BRCA2: variants seen among roughly 807,000 people sequenced by gnomAD.
BRCA2 encodes BRCA2 DNA repair associated, also known as breast cancer type 2 susceptibility protein.
BRCA2 carries 203 observed loss-of-function variants against 276.7 expected under a neutral mutation model. That is an observed-to-expected ratio of 0.73 (90% CI 0.65 to 0.82). The LOEUF is 0.82. BRCA2 is among the 40% of genes least tolerant of loss of function. The pLI, the probability that BRCA2 is intolerant of heterozygous loss-of-function variation, is 0.00. For synonymous variants in BRCA2, 1,289 were observed against 1,338.4 expected, an observed-to-expected ratio of 0.96 and a Z score of 0.81; for missense variants, 3,920 against 3,915.0, an observed-to-expected ratio of 1.00 and a Z score of -0.03.
chr13:32,364,806 C>T (rs1298435362), intron 18 of BRCA2, among the ~76,000 whole-genome samples: 1 of 152,136 alleles, frequency 6.6e-6, no homozygotes. Flanking sequence ...TATGCTTACT[C>T]CATTCTGAAG....
rs138976628 is a variant in BRCA2, at chr13:32,377,423, C to G, written c.8754+632C>G. Among the ~76,000 whole-genome samples the G allele has an allele frequency of 6.7e-4, 102 of 152,140 alleles. 1 individual carries two copies. The highest frequency in any genetic ancestry group is 2.4e-3 in the African/African-American group (99 of 41,518). On this transcript the variant is annotated intron_variant, in intron 21 of 26. Coordinates refer to ENST00000380152, the MANE Select transcript of BRCA2 (RefSeq NM_000059.4). ...CCTGGCCAACGTGGTGAAACCCCGT[C>G]CCTATTAAAAATACAAAATTAGCCA...
chr13:32,369,602 C>A (rs1232067626), intron 18 of BRCA2, among the ~76,000 whole-genome samples: 1 of 152,146 alleles, frequency 6.6e-6, no homozygotes, highest in East Asian at 1.9e-4. Flanking sequence ...GAGACGGAGG[C>A]ACGCTCTGTC....
intron 20 of BRCA2, among the ~76,000 whole-genome samples, chr13:32,375,563 CT>C (rs398022219): frequency 7.1e-4 from 102 of 143,126 alleles, no homozygotes; most frequent in Admixed American, 1.4e-3. Context: ...AGACATGTTT[CT>C]TTTTTTTTTT....
intron 13 of BRCA2, among the ~76,000 whole-genome samples, chr13:32,347,403 T>C (rs1403838739): frequency 6.6e-6 from 1 of 152,110 alleles, no homozygotes; most frequent in Non-Finnish European, 1.5e-5. Flanking sequence ...CTGAAAAAGA[T>C]TCAAATTGGC....
intron 6 of BRCA2, 90 bp downstream of exon 6, chr13:32,326,372 T>C (rs2137451257): frequency 6.7e-7 from 1 of 1,495,308 alleles, no homozygotes; most frequent in South Asian, 1.1e-5. Flanking sequence ...TACAAATCTG[T>C]ACCTAGCATT....
rs397507408 is a variant in BRCA2, at chr13:32,376,664, T to A, written c.8633-6T>A. ...TAGTGAATTAATAATCCTTTTGTTT[T>A]CTTAGAAAACACAACAAAACCATAT... On this transcript the variant is annotated splice_region_variant and splice_polypyrimidine_tract_variant and intron_variant, in intron 20 of 26. Transcript: ENST00000380152. The A allele has an allele frequency of 1.9e-6, 3 of 1,613,884 alleles. No homozygotes were observed. In the African/African-American group the frequency reaches 4.0e-5, roughly 22 times the overall value.
chr13:32,399,624 T>C lies in BRCA2; in HGVS notation c.*854T>C, dbSNP rs572993583. On this transcript the variant is annotated 3_prime_UTR_variant, in exon 27 of 27. Coordinates refer to ENST00000380152, the MANE Select transcript of BRCA2 (RefSeq NM_000059.4). ...ATTTTTTTTTTCAACAAAATGGTCATCCAAACTCAAACTTGAGAAAATATC... is the reference window on the plus strand; with the variant it reads ...ATTTTTTTTTTCAACAAAATGGTCACCCAAACTCAAACTTGAGAAAATATC... 47 of 178,330 alleles carry C rather than the reference T, an allele frequency of 2.6e-4. No individual in the cohort carries two copies. The Admixed American group carries it at 2.8e-3, about 11-fold the overall frequency. 11.0% of individuals were successfully genotyped at this position (178,330 alleles called of 1,614,324 possible). A position where few individuals can be genotyped will look rare whatever the true frequency, so the allele number is the denominator to read the frequency against.
Position 32,362,626 on chromosome 13 carries a change from G to A in BRCA2, c.7909G>A (p.Ala2637Thr), listed in dbSNP as rs1593924159. ...ATGGAAACTGGCAGCTATGGAATGT[G>A]CCTTTCCTAAGGAATTTGCTAATAG... ...IIWKLAAMECAFPKEFANRCL... is the reference protein window; with the variant it reads ...IIWKLAAMECTFPKEFANRCL... The change falls in exon 17 of 27, where the codon GCC becomes ACC. Residue 2637 changes from alanine to threonine, a missense_variant. Physicochemically the swap from Ala to Thr is moderately conservative, Grantham distance 58. Around this residue, in one of 2 missense-constraint regions of BRCA2, gnomAD observed 3,263 missense variants for 3,156.9 expected, o/e 1.03. Transcript: ENST00000380152. 6.2e-7 allele frequency: 1 copy of A among 1,614,196 alleles called. No individual in the cohort carries two copies. The highest frequency in any genetic ancestry group is 2.2e-5 in the East Asian group (1 of 44,888).
chr13:32,379,957 G>T (rs371065243), intron 23 of BRCA2, 44 bp downstream of exon 23: 13 of 1,612,924 alleles, frequency 8.1e-6, no homozygotes, highest in Non-Finnish European at 1.1e-5. Context: ...ATAAGTGCTT[G>T]TTAGTTTATG....
intron 13 of BRCA2, among the ~76,000 whole-genome samples, chr13:32,352,542 A>G (rs1401035540): frequency 6.6e-6 from 1 of 152,220 alleles, no homozygotes; most frequent in Non-Finnish European, 1.5e-5. Flanking sequence ...ATGACTGCTC[A>G]ATGGGAAAAG....
At chr13:32,372,246 T>C (rs2072839464) in intron 20 of BRCA2, among the ~76,000 whole-genome samples, 2 of 152,228 alleles carry the variant, frequency 1.3e-5, no homozygotes, top group Admixed American at 1.3e-4. Flanking sequence ...ATTTCAACAA[T>C]ATTCACAGCA....
At position 32,397,042 on chromosome 13, in the gene BRCA2, C is replaced by T. The variant is rs80359809; in HGVS notation, c.9646C>T (p.Leu3216=). 1.9e-6 allele frequency: 3 copies of T among 1,613,714 alleles called. No individual in the cohort carries two copies. In the African/African-American group the frequency reaches 4.0e-5, roughly 22 times the overall value. The change falls in exon 26 of 27, where the codon CTG becomes TTG. Residue 3216 remains leucine, a splice_region_variant and synonymous_variant. Transcript: ENST00000380152. ...QIIPGTGNKL[L]MSSPNCEIYY... ...CATTCCTGGTACAGGAAACAAGCTT[C>T]TGGTAAGTTAATGTAAACTCAAGGA...
chr13:32,332,602 C>T lies in BRCA2; in HGVS notation c.1124C>T (p.Pro375Leu), dbSNP rs80358409. 1.2e-6 allele frequency: 2 copies of T among 1,613,798 alleles called. No individual in the cohort carries two copies. The highest frequency in any genetic ancestry group is 1.7e-6 in the Non-Finnish European group (2 of 1,179,956). ...GATTCAAATGTAGCAAATCAGAAGC[C>T]CTTTGAGAGTGGAAGTGACAAAATC... is the stretch of plus-strand genomic sequence containing the variant. Reference protein sequence around the residue: ...PLDSNVANQKPFESGSDKISK... With the variant: ...PLDSNVANQKLFESGSDKISK... The change falls in exon 10 of 27, where the codon CCC becomes CTC. Residue 375 changes from proline (P) to leucine (L), a missense_variant. Physicochemically the swap from Pro to Leu is moderately conservative, Grantham distance 98 (BLOSUM62 -3). This residue lies in a region of BRCA2 where 3,263 missense variants were observed against 3,156.9 expected (regional missense o/e 1.03). Coordinates refer to ENST00000380152, the MANE Select transcript of BRCA2 (RefSeq NM_000059.4).
chr13:32,377,056 T>A (rs941233282), intron 21 of BRCA2, among the ~76,000 whole-genome samples: 4 of 152,222 alleles, frequency 2.6e-5, no homozygotes, highest in African/African-American at 9.6e-5. Context: ...CTTGTTTTAT[T>A]TTTGTCCCTC....
intron 24 of BRCA2, among the ~76,000 whole-genome samples, chr13:32,390,685 G>C (rs2072990829): frequency 6.6e-6 from 1 of 152,078 alleles, no homozygotes; most frequent in Admixed American, 6.6e-5. Context: ...CATTTTGTTG[G>C]TTTGGCTGTT....
In BRCA2 at chr13:32,394,751, A is replaced by G. The variant is rs879255336; in HGVS notation, c.9319A>G (p.Ile3107Val). 4 of 1,614,002 alleles carry G rather than the reference A, an allele frequency of 2.5e-6. No homozygotes were observed. The Admixed American group carries it at 6.7e-5, about 27-fold the overall frequency. The change falls in exon 25 of 27, where the codon ATA becomes GTA. Residue 3107 changes from isoleucine (I) to valine (V), a missense_variant. By Grantham distance (29) the Ile-to-Val change is conservative (BLOSUM62 3). Around this residue, in one of 2 missense-constraint regions of BRCA2, gnomAD observed 657 missense variants for 758.2 expected, o/e 0.87. Transcript: ENST00000380152. ...CAATTTACTGGCAATAAAGTTTTGGATAGACCTTAATGAGGACATTATTAA... is the reference window on the plus strand; with the variant it reads ...CAATTTACTGGCAATAAAGTTTTGGGTAGACCTTAATGAGGACATTATTAA... The part of the protein sequence containing the change: ...CYNLLAIKFW[I>V]DLNEDIIKPH...
At chr13:32,341,268 G>A (rs2137531430) in intron 11 of BRCA2, 72 bp downstream of exon 11, 1 of 1,587,378 alleles carries the variant, frequency 6.3e-7, no homozygotes, top group Non-Finnish European at 8.6e-7. Context: ...GACTTGGTAT[G>A]CTAACAATTA....
In BRCA2 at chr13:32,316,471, G is replaced by C. The variant is rs587782137; in HGVS notation, c.11G>C (p.Gly4Ala). The C allele has an allele frequency of 3.1e-6, 5 of 1,613,770 alleles. No individual in the cohort carries two copies. The East Asian group carries it at 8.9e-5, about 29-fold the overall frequency. The change falls in exon 2 of 27, where the codon GGA (glycine) becomes GCA (alanine). Residue 4 changes from glycine to alanine, a missense_variant. Physicochemically the swap from Gly to Ala is moderately conservative, Grantham distance 60. Around this residue, in one of 2 missense-constraint regions of BRCA2, gnomAD observed 3,263 missense variants for 3,156.9 expected, o/e 1.03. Transcript: ENST00000380152. MPIGSKERPTFFEI... is the reference protein window; with the variant it reads MPIASKERPTFFEI... ...ATATCGTAGGTAAAAATGCCTATTGGATCCAAAGAGAGGCCAACATTTTTT... is the reference window on the plus strand; with the variant it reads ...ATATCGTAGGTAAAAATGCCTATTGCATCCAAAGAGAGGCCAACATTTTTT...
At chr13:32,316,918 C>G (rs889696245) in intron 2 of BRCA2, among the ~76,000 whole-genome samples, 126 of 152,320 alleles carry the variant, frequency 8.3e-4, no homozygotes, top group African/African-American at 2.9e-3. Flanking sequence ...GAATTTAAGG[C>G]TGGGCGTGGT....
Sources: gnomAD v4.1 joint callset for allele counts (sites outside exome capture counted in the v4.1 genomes callset) on GRCh38, gnomAD v4.1.1 for gene constraint, gnomAD v4.1.1 regional missense constraint, MANE v1.5 for transcripts, NCBI Gene and HGNC (gene_info 2026-07-23, HGNC 2026-07-21) for gene names.